RGSL1: variants seen among roughly 807,000 people sequenced by gnomAD.
RGSL1 encodes the protein regulator of G protein signaling like 1.
Under a neutral mutation model 124.7 loss-of-function variants are expected in RGSL1, and 97 were observed. The observed-to-expected ratio is 0.78, with a 90% CI of 0.66 to 0.92. RGSL1 has a LOEUF of 0.92. Ranked by LOEUF, RGSL1 falls within the 40% of genes least tolerant of loss-of-function variation. The pLI is 0.00. For missense variants in RGSL1, 1,233 were observed against 1,288.4 expected (o/e 0.96, Z 0.66); for synonymous variants, 424 against 438.1 (o/e 0.97, Z 0.40).
chr1:182,532,369 A>C (rs1240103271), intron 13 of RGSL1, among the ~76,000 whole-genome samples: 1 of 152,014 alleles, frequency 6.6e-6, no homozygotes, highest in African/African-American at 2.4e-5. Flanking sequence ...CCCTCTCCCA[A>C]TCACGGCATC....
At position 182,473,698 on chromosome 1, in the gene RGSL1, C is replaced by T; in HGVS notation, c.587C>T (p.Thr196Ile). Residue 196 changes from threonine (T) to isoleucine (I), a missense_variant, in exon 6 of 22, where the codon ACC (threonine) becomes ATC (isoleucine). By Grantham distance (89) the Thr-to-Ile change is moderately conservative. Coordinates refer to ENST00000294854, the MANE Select transcript of RGSL1 (RefSeq NM_001137669.2). ...AGCTATTGGCTTCCCAACTTTTACA[C>T]CCACACCAAGATGACCATGGCCAAG... Reference protein sequence around the residue: ...LQSYWLPNFYTHTKMTMAKEE... With the variant: ...LQSYWLPNFYIHTKMTMAKEE... 1 of 1,551,642 alleles carries T rather than the reference C, an allele frequency of 6.4e-7. No individual in the cohort carries two copies. Among genetic ancestry groups the T allele is most frequent in the Non-Finnish European group, 8.7e-7 (1 of 1,147,000 alleles).
intron 9 of RGSL1, among the ~76,000 whole-genome samples, chr1:182,507,541 T>G (rs931238114): frequency 1.3e-5 from 2 of 152,196 alleles, no homozygotes; most frequent in Non-Finnish European, 2.9e-5. Flanking sequence ...TCATTCATGT[T>G]GCTGCAAAAG....
intron 9 of RGSL1, among the ~76,000 whole-genome samples, chr1:182,515,239 T>C (rs1206990870): frequency 6.6e-6 from 1 of 152,166 alleles, no homozygotes; most frequent in African/African-American, 2.4e-5. Context: ...ATCTATGCCA[T>C]GGAGCATGGT....
chr1:182,535,453 T>A (rs1024995202), intron 14 of RGSL1, among the ~76,000 whole-genome samples: 15 of 152,178 alleles, frequency 9.9e-5, no homozygotes, highest in African/African-American at 3.6e-4. Flanking sequence ...TTGGTCAGCC[T>A]CCTCTGTATT....
At chr1:182,465,070 C>T (rs1653174020) in intron 4 of RGSL1, among the ~76,000 whole-genome samples, 1 of 146,614 alleles carries the variant, frequency 6.8e-6, no homozygotes, top group South Asian at 2.1e-4. Context: ...GAGCAAGACC[C>T]TATCTTATAA....
At chr1:182,516,555 T>C (rs1475606645) in intron 9 of RGSL1, among the ~76,000 whole-genome samples, 3 of 152,210 alleles carry the variant, frequency 2.0e-5, no homozygotes, top group Non-Finnish European at 2.9e-5. Flanking sequence ...GGTGAAGTGA[T>C]TTTCTCTTGT....
At chr1:182,509,461 C>A (rs1657153648) in intron 9 of RGSL1, among the ~76,000 whole-genome samples, 1 of 52,206 alleles carries the variant, frequency 1.9e-5, no homozygotes, top group African/African-American at 8.8e-5. Flanking sequence ...CCACCTCCCT[C>A]CCGGACGGGG....
At chr1:182,451,339 A>C (rs1318359046) in intron 1 of RGSL1, among the ~76,000 whole-genome samples, 1 of 152,170 alleles carries the variant, frequency 6.6e-6, no homozygotes, top group East Asian at 1.9e-4. Context: ...CAGACTTGTT[A>C]ATTGTAATAA....
intron 9 of RGSL1, among the ~76,000 whole-genome samples, chr1:182,508,385 C>T (rs773557145): frequency 3.4e-5 from 5 of 146,580 alleles, no homozygotes; most frequent in African/African-American, 1.0e-4. Context: ...CTGCAACCTC[C>T]GCCTCCCGGG....
intron 9 of RGSL1, among the ~76,000 whole-genome samples, chr1:182,494,304 T>G (rs567169766): frequency 1.3e-5 from 2 of 152,322 alleles, no homozygotes; most frequent in East Asian, 3.9e-4. Flanking sequence ...ATAAGGAGCT[T>G]AATGCGATTG....
At chr1:182,506,441 T>G (rs999402085) in intron 9 of RGSL1, among the ~76,000 whole-genome samples, 2 of 152,174 alleles carry the variant, frequency 1.3e-5, no homozygotes, top group Non-Finnish European at 2.9e-5. Context: ...GAGTCTACAT[T>G]GTTAGATGCA....
intron 9 of RGSL1, among the ~76,000 whole-genome samples, chr1:182,501,245 G>T (rs485461): frequency 0.92 from 137,900 of 149,228 alleles, 63,842 homozygotes; most frequent in Non-Finnish European, 0.94. Flanking sequence ...GATGATTTTC[G>T]TCCTTCCTTT....
intron 8 of RGSL1, among the ~76,000 whole-genome samples, chr1:182,489,950 T>C (rs1219394820): frequency 6.6e-6 from 1 of 152,236 alleles, no homozygotes; most frequent in Middle Eastern, 3.2e-3. Flanking sequence ...GTTGAGGCAG[T>C]TGGAATACTG....
Position 182,508,893 on chromosome 1 carries a change from C to G in RGSL1, c.1826-13111C>G, listed in dbSNP as rs1331134903. Reference sequence around the variant, plus strand: ...ATTAGGGATTGGTGATGACTCTTAACGAGCATGCTGCCTTCAAGCATCTGT... The same window carrying G: ...ATTAGGGATTGGTGATGACTCTTAAGGAGCATGCTGCCTTCAAGCATCTGT... On this transcript the variant is annotated intron_variant, in intron 9 of 21. Coordinates refer to ENST00000294854, the MANE Select transcript of RGSL1 (RefSeq NM_001137669.2). Among the ~76,000 whole-genome samples the G allele has an allele frequency of 2.8e-4, 25 of 87,972 alleles. 1 individual carries two copies. In the Middle Eastern group the frequency reaches 0.012, roughly 42 times the overall value. 57.7% of individuals were successfully genotyped at this position (87,972 alleles called of 152,430 possible). A position where few individuals can be genotyped will look rare whatever the true frequency, so the allele number is the denominator to read the frequency against.
At chr1:182,499,296 G>A (rs547654455) in intron 9 of RGSL1, among the ~76,000 whole-genome samples, 2 of 152,184 alleles carry the variant, frequency 1.3e-5, no homozygotes, top group Non-Finnish European at 2.9e-5. Flanking sequence ...CTGTTATTGT[G>A]TGATTGTCTA....
chr1:182,509,836 C>A, intron 9 of RGSL1, among the ~76,000 whole-genome samples: 1 of 138,844 alleles, frequency 7.2e-6, no homozygotes, highest in African/African-American at 2.8e-5. Flanking sequence ...CCACCTCCCT[C>A]CCGGACGGGG....
At chr1:182,465,631 G>A (rs955040151) in intron 4 of RGSL1, among the ~76,000 whole-genome samples, 3 of 151,962 alleles carry the variant, frequency 2.0e-5, no homozygotes, top group Non-Finnish European at 4.4e-5. Flanking sequence ...AAAAATCTGA[G>A]TAGACCTATA....
At chr1:182,510,035 C>T (rs2102191295) in intron 9 of RGSL1, among the ~76,000 whole-genome samples, 1 of 72,628 alleles carries the variant, frequency 1.4e-5, no homozygotes, top group South Asian at 5.2e-4. Flanking sequence ...CCTCACATCC[C>T]AGATGGGGCG....
At chr1:182,506,983 C>CT (rs71127304) in intron 9 of RGSL1, among the ~76,000 whole-genome samples, 414 of 99,322 alleles carry the variant, frequency 4.2e-3, no homozygotes, top group Middle Eastern at 0.014. Context: ...GCTCACCTTT[C>CT]TTTTTTTTTT....
Sources: allele counts gnomAD v4.1 joint callset (sites outside exome capture counted in the v4.1 genomes callset), GRCh38; gene constraint gnomAD v4.1.1; transcripts MANE v1.5; gene names NCBI Gene and HGNC (gene_info 2026-07-23, HGNC 2026-07-21).